Variants in CAMKMT observed in about 807,000 individuals in gnomAD.
CAMKMT encodes CaM KMT.
A neutral mutation model predicts 48.0 loss-of-function variants in CAMKMT; 53 were observed. That is an observed-to-expected ratio of 1.10 (90% confidence interval 0.89 to 1.39). The LOEUF (loss-of-function observed/expected upper bound fraction) is 1.39, where lower values mean the gene tolerates loss of function less well. CAMKMT is among the 40% of genes most tolerant of loss of function. The pLI, the probability that CAMKMT is intolerant of heterozygous loss-of-function variation, is 0.00. For missense variants in CAMKMT, 428 were observed against 402.7 expected (o/e 1.06, Z -0.54); for synonymous variants, 165 against 152.3 (o/e 1.08, Z -0.61).
At chr2:44,496,370 C>T (rs190765596) in intron 3 of CAMKMT, among the ~76,000 whole-genome samples, 1 of 152,282 alleles carries the variant, frequency 6.6e-6, no homozygotes, top group African/African-American at 2.4e-5. Context: ...TAAAGGTAAA[C>T]ACTCCCTACT....
At chr2:44,743,842 C>T in intron 8 of CAMKMT, 146 bp downstream of exon 8, 1 of 585,380 alleles carries the variant, frequency 1.7e-6, no homozygotes, top group South Asian at 2.5e-5. Context: ...TATTCATCTC[C>T]ATGTGACAGT....
intron 3 of CAMKMT, among the ~76,000 whole-genome samples, chr2:44,403,214 G>A (rs190480216): frequency 7.9e-4 from 120 of 152,252 alleles, no homozygotes; most frequent in African/African-American, 2.8e-3. Flanking sequence ...TGGGCAGTAT[G>A]TATACCTTAG....
At chr2:44,676,854 G>A (rs1675722872) in intron 3 of CAMKMT, 1 of 152,128 alleles carries the variant, frequency 6.6e-6, no homozygotes, top group Admixed American at 6.5e-5. Context: ...CTAAGTAAAT[G>A]GTTATTTTTT....
intron 3 of CAMKMT, among the ~76,000 whole-genome samples, chr2:44,505,092 AC>A (rs1250094676): frequency 6.6e-6 from 1 of 152,170 alleles, no homozygotes; most frequent in Non-Finnish European, 1.5e-5. Context: ...CAAGGATGAT[AC>A]CAAGCCATTT....
At chr2:44,748,777 T>C (rs1680026214) in intron 8 of CAMKMT, among the ~76,000 whole-genome samples, 1 of 152,010 alleles carries the variant, frequency 6.6e-6, no homozygotes. Flanking sequence ...CTCGGGAGAC[T>C]GAGGCAGGAG....
At chr2:44,763,768 ACTTACAG>A (rs1336074889) in intron 9 of CAMKMT, among the ~76,000 whole-genome samples, 1 of 152,212 alleles carries the variant, frequency 6.6e-6, no homozygotes, top group African/African-American at 2.4e-5. Flanking sequence ...AGCTGCTGTC[ACTTACAG>A]CTTACCCCAA....
intron 2 of CAMKMT, among the ~76,000 whole-genome samples, chr2:44,388,141 G>A (rs550624516): frequency 4.6e-5 from 7 of 152,130 alleles, no homozygotes; most frequent in Admixed American, 2.6e-4. Flanking sequence ...CAGGAACACC[G>A]ATTATTCTTC....
intron 3 of CAMKMT, among the ~76,000 whole-genome samples, chr2:44,693,634 A>T (rs1157408982): frequency 6.6e-6 from 1 of 152,196 alleles, no homozygotes; most frequent in East Asian, 1.9e-4. Flanking sequence ...TAAATATTTG[A>T]GGAGCATTCT....
At chr2:44,424,504 C>G (rs1288093093) in intron 3 of CAMKMT, among the ~76,000 whole-genome samples, 2 of 152,122 alleles carry the variant, frequency 1.3e-5, no homozygotes, top group Non-Finnish European at 2.9e-5. Context: ...TTTCCTCATA[C>G]AATATCTGGA....
chr2:44,571,912 C>T (rs78343574), intron 3 of CAMKMT, among the ~76,000 whole-genome samples: 24 of 152,294 alleles, frequency 1.6e-4, no homozygotes, highest in East Asian at 9.6e-4. Context: ...ATAACAAATT[C>T]GAACACTGAC....
At chr2:44,492,130 T>A (rs1409515755) in intron 3 of CAMKMT, among the ~76,000 whole-genome samples, 1 of 152,108 alleles carries the variant, frequency 6.6e-6, no homozygotes, top group East Asian at 1.9e-4. Context: ...TCAGAGACTG[T>A]ATGAGGATTA....
intron 3 of CAMKMT, among the ~76,000 whole-genome samples, chr2:44,405,393 A>G (rs1682712547): frequency 6.6e-6 from 1 of 152,140 alleles, no homozygotes; most frequent in South Asian, 2.1e-4. Flanking sequence ...TATATGCTAT[A>G]TTCTGGAGGG....
chr2:44,408,994 G>A (rs541504655), intron 3 of CAMKMT, among the ~76,000 whole-genome samples: 11 of 150,740 alleles, frequency 7.3e-5, no homozygotes, highest in African/African-American at 2.4e-4. Flanking sequence ...TGCCTGCCTC[G>A]GCCTCCCAAA....
At chr2:44,367,658 G>A (rs1678744625) in intron 1 of CAMKMT, among the ~76,000 whole-genome samples, 1 of 151,058 alleles carries the variant, frequency 6.6e-6, no homozygotes, top group Non-Finnish European at 1.5e-5. Context: ...CTGGCAGGCA[G>A]ATATAAGACT....
At chr2:44,675,900 C>G (rs1266588124) in intron 3 of CAMKMT, among the ~76,000 whole-genome samples, 1 of 152,102 alleles carries the variant, frequency 6.6e-6, no homozygotes, top group African/African-American at 2.4e-5. Context: ...CTCTGGGTAC[C>G]GCAAATAAGT....
At chr2:44,483,502 G>T (rs1018798718) in intron 3 of CAMKMT, among the ~76,000 whole-genome samples, 6 of 152,090 alleles carry the variant, frequency 3.9e-5, no homozygotes, top group Non-Finnish European at 7.4e-5. Context: ...TATATGAGTA[G>T]TCATAAATTC....
intron 7 of CAMKMT, among the ~76,000 whole-genome samples, chr2:44,736,285 A>G (rs1366666861): frequency 6.6e-6 from 1 of 152,168 alleles, no homozygotes; most frequent in Non-Finnish European, 1.5e-5. Context: ...CACTGGCTAT[A>G]CAATTCTAGG....
chr2:44,551,662 G>A (rs1030785479), intron 3 of CAMKMT, among the ~76,000 whole-genome samples: 2 of 152,134 alleles, frequency 1.3e-5, no homozygotes, highest in African/African-American at 4.8e-5. Flanking sequence ...GGCAGCAGTG[G>A]AAAAGATTTG....
intron 3 of CAMKMT, among the ~76,000 whole-genome samples, chr2:44,497,707 CAAAG>C (rs898684913): frequency 9.7e-5 from 8 of 82,804 alleles, no homozygotes; most frequent in African/African-American, 3.6e-4. Context: ...ATTAAGCAGG[CAAAG>C]AGAGAGAGAG....
Sources: gnomAD v4.1 joint callset for allele counts (sites outside exome capture counted in the v4.1 genomes callset) on GRCh38, gnomAD v4.1.1 for gene constraint, MANE v1.5 for transcripts, NCBI Gene and HGNC (gene_info 2026-07-23, HGNC 2026-07-21) for gene names.